Variants in USH2A observed in about 807,000 individuals in gnomAD.
USH2A encodes the protein usherin, also known as Usher syndrome 2A (autosomal recessive, mild).
In USH2A, 443 loss-of-function variants were observed where a neutral mutation model predicts 538.9. The ratio of observed to expected loss-of-function variants is 0.82; its 90% CI spans 0.76 to 0.89. The LOEUF (loss-of-function observed/expected upper bound fraction) is 0.89, where lower values mean the gene tolerates loss of function less well. Ranked by LOEUF, USH2A falls within the 40% of genes least tolerant of loss-of-function variation. The probability of loss-of-function intolerance (pLI) is 0.00; values close to 1 mark genes in which losing one functional copy is unlikely to be tolerated. For synonymous variants in USH2A, 2,413 were observed against 2,273.5 expected, an observed-to-expected ratio of 1.06 and a Z score of -1.75; for missense variants, 6,633 against 6,324.8, an observed-to-expected ratio of 1.05 and a Z score of -1.65.
At chr1:215,656,380 C>G (rs1414329264) in intron 64 of USH2A, among the ~76,000 whole-genome samples, 1 of 152,150 alleles carries the variant, frequency 6.6e-6, no homozygotes. Context: ...TGCTACAAGT[C>G]TTGTTCAAAT....
At chr1:216,390,734 C>A (rs1377720221) in intron 3 of USH2A, among the ~76,000 whole-genome samples, 1 of 152,024 alleles carries the variant, frequency 6.6e-6, no homozygotes, top group East Asian at 1.9e-4. Context: ...TGTTCATAAT[C>A]ACACACCAAA....
intron 38 of USH2A, among the ~76,000 whole-genome samples, chr1:215,920,584 T>G (rs1445263436): frequency 6.6e-6 from 1 of 152,042 alleles, no homozygotes; most frequent in Non-Finnish European, 1.5e-5. Flanking sequence ...AGGAAAGTTC[T>G]GTAATTATGA....
chr1:215,877,666 C>T, intron 43 of USH2A, 92 bp downstream of exon 43: 1 of 1,575,224 alleles, frequency 6.3e-7, no homozygotes, highest in Admixed American at 1.7e-5. Context: ...TGATAACACG[C>T]TCACACAATG....
Position 215,674,535 on chromosome 1 carries a change from G to A in USH2A, c.13376C>T (p.Ser4459Leu), listed in dbSNP as rs1300378579. 1.9e-6 allele frequency: 3 copies of A among 1,613,958 alleles called. No homozygotes were observed. In the African/African-American group the frequency reaches 4.0e-5, roughly 22 times the overall value. Residue 4459 changes from serine to leucine, a missense_variant, in exon 63 of 72, where the codon TCA becomes TTA. By Grantham distance (145) the Ser-to-Leu change is moderately radical. Coordinates refer to ENST00000307340, the MANE Select transcript of USH2A (RefSeq NM_206933.4). Reference sequence around the variant, plus strand: ...TGGAGGTTTCCAGGTGATTTCTATTGATTCTGAGCCTGTGACTTGCAATGT... The same window carrying A: ...TGGAGGTTTCCAGGTGATTTCTATTAATTCTGAGCCTGTGACTTGCAATGT... ...SPTLQVTGSESIEITWKPPRN... is the reference protein window; with the variant it reads ...SPTLQVTGSELIEITWKPPRN...
chr1:216,269,137 C>A (rs1007802753), intron 11 of USH2A, among the ~76,000 whole-genome samples: 2 of 151,974 alleles, frequency 1.3e-5, no homozygotes, highest in Admixed American at 1.3e-4. Context: ...GGTGCAGTTA[C>A]CAATAGGGTT....
In USH2A at chr1:215,831,404, G is replaced by A. The variant is rs80006734; in HGVS notation, c.9371+6587C>T. On this transcript the variant is annotated intron_variant, in intron 47 of 71. Coordinates refer to ENST00000307340, the MANE Select transcript of USH2A (RefSeq NM_206933.4). ...CAAAACACTCTATCTGACAACAACA[G>A]ACTGTACCTTCTCCTCAAGTGCACA... 1.2e-3 allele frequency among the ~76,000 whole-genome samples: 182 copies of A among 152,146 alleles called. 3 individuals carry two copies. The highest frequency in any genetic ancestry group is 3.1e-3 in the African/African-American group (128 of 41,526).
chr1:216,195,838 C>A (rs1384108232), intron 19 of USH2A: 1 of 167,180 alleles, frequency 6.0e-6, no homozygotes, highest in Non-Finnish European at 1.5e-5. Context: ...CTATTGGCCA[C>A]CTGGATGCTG....
At chr1:215,857,995 A>C (rs980013804) in intron 44 of USH2A, among the ~76,000 whole-genome samples, 3 of 152,158 alleles carry the variant, frequency 2.0e-5, no homozygotes, top group Non-Finnish European at 4.4e-5. Flanking sequence ...GTTGGAGCTT[A>C]GGATTTTGTT....
intron 60 of USH2A, among the ~76,000 whole-genome samples, chr1:215,735,438 A>G (rs895048252): frequency 6.6e-6 from 1 of 152,202 alleles, no homozygotes; most frequent in African/African-American, 2.4e-5. Flanking sequence ...TCAGACTTTG[A>G]TTATTACAGA....
At chr1:215,911,543 T>C (rs1385710143) in intron 38 of USH2A, among the ~76,000 whole-genome samples, 1 of 152,142 alleles carries the variant, frequency 6.6e-6, no homozygotes, top group Admixed American at 6.6e-5. Flanking sequence ...ATCTCATTCT[T>C]TTCTACGGCT....
At chr1:216,202,259 C>T (rs1224339188) in intron 16 of USH2A, among the ~76,000 whole-genome samples, 1 of 152,130 alleles carries the variant, frequency 6.6e-6, no homozygotes, top group Non-Finnish European at 1.5e-5. Flanking sequence ...ACAGTACTTG[C>T]TGAATGTTTG....
intron 67 of USH2A, among the ~76,000 whole-genome samples, chr1:215,644,150 C>A (rs1266394115): frequency 6.6e-6 from 1 of 152,178 alleles, no homozygotes; most frequent in African/African-American, 2.4e-5. Context: ...GTTAGGTGCA[C>A]TCGCTTATTC....
intron 23 of USH2A, among the ~76,000 whole-genome samples, chr1:216,088,270 C>A (rs372153583): frequency 6.6e-6 from 1 of 152,000 alleles, no homozygotes; most frequent in African/African-American, 2.4e-5. Context: ...ACACACACAA[C>A]TTTCCCTCTC....
intron 62 of USH2A, among the ~76,000 whole-genome samples, chr1:215,676,423 C>T (rs531141676): frequency 6.6e-6 from 1 of 152,078 alleles, no homozygotes; most frequent in Non-Finnish European, 1.5e-5. Context: ...ATTTTCCAAC[C>T]TTTTCCTGCT....
chr1:216,010,367 C>T (rs1261988462), intron 32 of USH2A, among the ~76,000 whole-genome samples: 1 of 152,158 alleles, frequency 6.6e-6, no homozygotes, highest in Non-Finnish European at 1.5e-5. Flanking sequence ...CCGGACCCCA[C>T]TGGAAATCGG....
intron 49 of USH2A, among the ~76,000 whole-genome samples, chr1:215,801,224 A>G (rs1430756105): frequency 6.6e-6 from 1 of 152,096 alleles, no homozygotes; most frequent in Non-Finnish European, 1.5e-5. Context: ...TAAAATCAGA[A>G]ACAAGAAAAG....
chr1:216,096,387 G>A (rs1214392236), intron 22 of USH2A, among the ~76,000 whole-genome samples: 1 of 152,112 alleles, frequency 6.6e-6, no homozygotes, highest in Non-Finnish European at 1.5e-5. Context: ...AATCTCCCCT[G>A]TACTGCCCCA....
intron 11 of USH2A, among the ~76,000 whole-genome samples, chr1:216,275,827 A>G (rs2036660688): frequency 6.6e-6 from 1 of 152,084 alleles, no homozygotes; most frequent in South Asian, 2.1e-4. Flanking sequence ...GCTATTTCCT[A>G]TTTAGGAATT....
At chr1:215,956,501 G>T (rs924626860) in intron 37 of USH2A, among the ~76,000 whole-genome samples, 1 of 152,074 alleles carries the variant, frequency 6.6e-6, no homozygotes, top group Non-Finnish European at 1.5e-5. Flanking sequence ...CTTCTAACAG[G>T]CTCCTTTCAT....
Sources: allele counts gnomAD v4.1 joint callset (sites outside exome capture counted in the v4.1 genomes callset), GRCh38; gene constraint gnomAD v4.1.1; transcripts MANE v1.5; gene names NCBI Gene and HGNC (gene_info 2026-07-23, HGNC 2026-07-21).